The following LRP1B variants were observed in gnomAD, a reference collection of about 807,000 sequenced individuals.
LRP1B encodes low-density lipoprotein receptor-related protein 1B.
LRP1B carries 217 observed loss-of-function variants against 556.6 expected under a neutral mutation model. The ratio of observed to expected loss-of-function variants is 0.39; its 90% CI spans 0.35 to 0.44. The LOEUF (loss-of-function observed/expected upper bound fraction) is 0.44. Among genes scored for constraint, LRP1B ranks in the 20% least tolerant of loss-of-function variants. The probability of loss-of-function intolerance (pLI) is 1.00; values close to 1 mark genes in which losing one functional copy is unlikely to be tolerated. For missense variants in LRP1B, 5,053 were observed against 5,620.8 expected (o/e 0.90, Z 3.23); for synonymous variants, 2,047 against 1,865.8 (o/e 1.10, Z -2.50).
intron 1 of LRP1B, among the ~76,000 whole-genome samples, chr2:141,970,696 G>A (rs1701703358): frequency 6.6e-6 from 1 of 151,426 alleles, no homozygotes; most frequent in South Asian, 2.1e-4. Flanking sequence ...TTCATTCTAG[G>A]TTACAGGGTC....
intron 18 of LRP1B, among the ~76,000 whole-genome samples, chr2:140,959,878 T>C (rs912089895): frequency 6.6e-6 from 1 of 151,640 alleles, no homozygotes; most frequent in Non-Finnish European, 1.5e-5. Context: ...TTTTCTCTCA[T>C]TCAAATTCAT....
intron 49 of LRP1B, among the ~76,000 whole-genome samples, chr2:140,523,139 C>G (rs1219721051): frequency 6.6e-6 from 1 of 151,908 alleles, no homozygotes. Context: ...GAACAAAAAC[C>G]TTTAACAAAA....
Position 140,658,164 on chromosome 2 carries a change from T to C in LRP1B, c.6799+42086A>G, listed in dbSNP as rs1684958295. Among the ~76,000 whole-genome samples the C allele has an allele frequency of 3.3e-5, 5 of 152,034 alleles. No homozygotes were observed. The South Asian group carries it at 8.3e-4, about 25-fold the overall frequency. ...CTTTACAAATTTCAGTTGGTTAACA[T>C]TGAATAAAATAGCAATGAAAAATTG... is the stretch of plus-strand genomic sequence containing the variant. On this transcript the variant is annotated intron_variant, in intron 41 of 90. Coordinates refer to ENST00000389484, the MANE Select transcript of LRP1B (RefSeq NM_018557.3).
intron 1 of LRP1B, among the ~76,000 whole-genome samples, chr2:141,881,989 T>C (rs1384655720): frequency 6.6e-6 from 1 of 152,138 alleles, no homozygotes; most frequent in Non-Finnish European, 1.5e-5. Flanking sequence ...GCATCTGTGC[T>C]CAAGTGATCC....
chr2:141,319,070 C>T (rs1687132284), intron 3 of LRP1B, among the ~76,000 whole-genome samples: 1 of 152,044 alleles, frequency 6.6e-6, no homozygotes, highest in African/African-American at 2.4e-5. Context: ...TTTATGCCTT[C>T]CCCTAGATCA....
rs999475127 is a variant in LRP1B at position 140,239,642 on chromosome 2, C to T, written c.13325-110G>A. 5.5e-4 allele frequency: 329 copies of T among 596,262 alleles called. 1 individual carries two copies. Among genetic ancestry groups the T allele is most frequent in the Middle Eastern group, 1.3e-3 (3 of 2,330 alleles). The allele number at this position is 596,262 out of a possible 1,614,324, so 36.9% of individuals were successfully genotyped here. A position where few individuals can be genotyped will look rare whatever the true frequency, so the allele number is the denominator to read the frequency against. On this transcript the variant is annotated intron_variant, in intron 87 of 90. Transcript: ENST00000389484. ...CACTTGACCATTGATATAATAAAAGCTTAGCCCAAATGTTTATATTTCGGG... is the reference window on the plus strand; with the variant it reads ...CACTTGACCATTGATATAATAAAAGTTTAGCCCAAATGTTTATATTTCGGG...
At chr2:140,682,470 C>G (rs1685890941) in intron 41 of LRP1B, among the ~76,000 whole-genome samples, 1 of 152,124 alleles carries the variant, frequency 6.6e-6, no homozygotes, top group Non-Finnish European at 1.5e-5. Flanking sequence ...GCATTTGGAA[C>G]AATAGTCAAC....
intron 82 of LRP1B, among the ~76,000 whole-genome samples, chr2:140,316,778 T>TTACA (rs1684537458): frequency 6.6e-6 from 1 of 151,672 alleles, no homozygotes; most frequent in African/African-American, 2.4e-5. Context: ...TTGTAAATAT[T>TTACA]AAGTACATAA....
Position 142,043,627 on chromosome 2 carries a change from T to G in LRP1B, c.82+87021A>C, listed in dbSNP as rs537179384. Among the ~76,000 whole-genome samples, 4 of 151,804 alleles carry G rather than the reference T, an allele frequency of 2.6e-5. No homozygotes were observed. In the East Asian group the frequency reaches 7.8e-4, roughly 29 times the overall value. ...ATGTCAACAAAAAATTATTAACTGT[T>G]TCATTGATCAACTTTATTTTTCCTG... On this transcript the variant is annotated intron_variant, in intron 1 of 90. Coordinates refer to ENST00000389484, the MANE Select transcript of LRP1B (RefSeq NM_018557.3).
chr2:140,980,833 A>G (rs1696748162), intron 18 of LRP1B, among the ~76,000 whole-genome samples: 1 of 152,244 alleles, frequency 6.6e-6, no homozygotes, highest in Admixed American at 6.5e-5. Flanking sequence ...AAAGATACTG[A>G]ACCAACCTTA....
chr2:140,712,854 C>T (rs559455107), intron 37 of LRP1B, among the ~76,000 whole-genome samples: 3 of 152,122 alleles, frequency 2.0e-5, no homozygotes, highest in South Asian at 4.1e-4. Context: ...ATTGCTGGCA[C>T]ACTGTTCTTC....
chr2:140,749,144 T>C (rs2104889680), intron 35 of LRP1B, among the ~76,000 whole-genome samples: 1 of 151,950 alleles, frequency 6.6e-6, no homozygotes, highest in African/African-American at 2.4e-5. Flanking sequence ...ATATAAGAGA[T>C]TAAAAATGGT....
intron 2 of LRP1B, among the ~76,000 whole-genome samples, chr2:141,528,789 C>G (rs1326545887): frequency 1.3e-5 from 2 of 152,072 alleles, no homozygotes; most frequent in African/African-American, 4.8e-5. Flanking sequence ...TAGAACAAGA[C>G]TCACGACTCA....
chr2:140,927,338 T>A (rs1694914492), intron 20 of LRP1B, among the ~76,000 whole-genome samples: 2 of 152,070 alleles, frequency 1.3e-5, no homozygotes, highest in Non-Finnish European at 2.9e-5. Flanking sequence ...ATTGAAAGCA[T>A]CTCATGTTAC....
chr2:141,930,958 G>A (rs1332220803), intron 1 of LRP1B, among the ~76,000 whole-genome samples: 1 of 151,974 alleles, frequency 6.6e-6, no homozygotes, highest in African/African-American at 2.4e-5. Flanking sequence ...CAGTTTCCTA[G>A]AGACTTCATG....
At chr2:141,766,251 A>G (rs1694729139) in intron 2 of LRP1B, among the ~76,000 whole-genome samples, 1 of 152,204 alleles carries the variant, frequency 6.6e-6, no homozygotes, top group Non-Finnish European at 1.5e-5. Context: ...TAGGATAAGC[A>G]GCAGATTTGG....
intron 2 of LRP1B, among the ~76,000 whole-genome samples, chr2:141,494,062 C>T (rs143670131): frequency 1.2e-4 from 19 of 152,278 alleles, no homozygotes; most frequent in African/African-American, 4.3e-4. Context: ...CTTCTGAGAT[C>T]AAGCAGACCA....
At chr2:141,146,702 C>A (rs1574123803) in intron 7 of LRP1B, among the ~76,000 whole-genome samples, 1 of 152,140 alleles carries the variant, frequency 6.6e-6, no homozygotes, top group Non-Finnish European at 1.5e-5. Context: ...CATTTTTGTC[C>A]TCCACTCTCT....
At position 140,281,258 on chromosome 2, in the gene LRP1B, G is replaced by A. The variant is rs375059900; in HGVS notation, c.12968-6660C>T. Among the ~76,000 whole-genome samples the A allele has an allele frequency of 3.3e-5, 5 of 152,030 alleles. No individual in the cohort carries two copies. The East Asian group carries it at 9.7e-4, about 29-fold the overall frequency. ...ACAGGTTTACAAATATTTATGGAAAGCCATATAGCTATACAATCTATAACT... is the reference window on the plus strand; with the variant it reads ...ACAGGTTTACAAATATTTATGGAAAACCATATAGCTATACAATCTATAACT... On this transcript the variant is annotated intron_variant, in intron 84 of 90. Coordinates refer to ENST00000389484, the MANE Select transcript of LRP1B (RefSeq NM_018557.3).
Sources: allele counts gnomAD v4.1 joint callset (sites outside exome capture counted in the v4.1 genomes callset), GRCh38; gene constraint gnomAD v4.1.1; transcripts MANE v1.5; gene names NCBI Gene and HGNC (gene_info 2026-07-23, HGNC 2026-07-21).